The following KIF26B variants were observed in gnomAD, a reference collection of about 807,000 sequenced individuals.
KIF26B encodes the protein kinesin family member 26B, also known as kinesin-like protein KIF26B.
Under a neutral mutation model 151.2 loss-of-function variants are expected in KIF26B, and 63 were observed. That is an observed-to-expected ratio of 0.42 (90% CI 0.34 to 0.51). The LOEUF is 0.51. Ranked by LOEUF, KIF26B falls within the 20% of genes least tolerant of loss-of-function variation. The pLI is 0.07. For synonymous variants in KIF26B, 1,357 were observed against 1,262.1 expected (o/e 1.08, Z -1.59); for missense variants, 2,813 against 2,913.6 (o/e 0.97, Z 0.79).
At chr1:245,345,706 G>T (rs1442313606) in intron 2 of KIF26B, among the ~76,000 whole-genome samples, 1 of 152,006 alleles carries the variant, frequency 6.6e-6, no homozygotes, top group East Asian at 1.9e-4. Flanking sequence ...GTGAGATCTG[G>T]TTGTTTACAA....
At chr1:245,489,933 A>G (rs1660366856) in intron 4 of KIF26B, among the ~76,000 whole-genome samples, 1 of 152,228 alleles carries the variant, frequency 6.6e-6, no homozygotes, top group African/African-American at 2.4e-5. Context: ...CCAATTTGAC[A>G]GAAGGAAGAA....
At chr1:245,697,341 G>A (rs927243790) in intron 12 of KIF26B, among the ~76,000 whole-genome samples, 1 of 152,212 alleles carries the variant, frequency 6.6e-6, no homozygotes, top group African/African-American at 2.4e-5. Context: ...GTGAAAGAAA[G>A]AGGATAGATA....
chr1:245,699,167 G>C (rs1311782776), intron 14 of KIF26B, 130 bp downstream of exon 14: 1 of 992,046 alleles, frequency 1.0e-6, no homozygotes, highest in African/African-American at 1.6e-5. Flanking sequence ...CCATCAAATG[G>C]AGGAAGTTGC....
At chr1:245,622,652 C>T (rs184430531) in intron 9 of KIF26B, among the ~76,000 whole-genome samples, 1 of 152,176 alleles carries the variant, frequency 6.6e-6, no homozygotes, top group Admixed American at 6.5e-5. Flanking sequence ...TCCATCTCTG[C>T]CTTTGCCATT....
intron 5 of KIF26B, among the ~76,000 whole-genome samples, chr1:245,585,920 T>TA (rs573271831): frequency 2.0e-5 from 3 of 152,096 alleles, no homozygotes; most frequent in Non-Finnish European, 4.4e-5. Flanking sequence ...TCGACACATT[T>TA]AAAAATGCTG....
chr1:245,368,449 G>A (rs893537670), intron 3 of KIF26B, among the ~76,000 whole-genome samples: 4 of 152,180 alleles, frequency 2.6e-5, no homozygotes, highest in Non-Finnish European at 4.4e-5. Context: ...ACGGTCAAGG[G>A]TGTATTACTC....
At chr1:245,596,709 G>A (rs765052754) in intron 5 of KIF26B, among the ~76,000 whole-genome samples, 18 of 151,956 alleles carry the variant, frequency 1.2e-4, no homozygotes, top group Non-Finnish European at 2.4e-4. Context: ...TTTCTGTCTC[G>A]TTGCTCTAAT....
intron 5 of KIF26B, among the ~76,000 whole-genome samples, chr1:245,542,577 C>A (rs959056377): frequency 9.2e-5 from 14 of 152,210 alleles, no homozygotes; most frequent in Non-Finnish European, 1.5e-5. Context: ...TGGACCAGGA[C>A]TCCTGTCCAG....
chr1:245,366,538 AAAAG>A (rs979578931), intron 2 of KIF26B, among the ~76,000 whole-genome samples: 1 of 146,394 alleles, frequency 6.8e-6, no homozygotes, highest in African/African-American at 2.7e-5. Flanking sequence ...CTCAAAAAAA[AAAAG>A]AAAAAAAAAA....
chr1:245,287,126 T>A (rs961280110), intron 2 of KIF26B, among the ~76,000 whole-genome samples: 4 of 152,144 alleles, frequency 2.6e-5, no homozygotes, highest in Admixed American at 2.0e-4. Context: ...ACAAAATTTT[T>A]TAAAAAATTT....
intron 7 of KIF26B, among the ~76,000 whole-genome samples, chr1:245,608,627 A>T (rs1371932369): frequency 6.6e-6 from 1 of 152,158 alleles, no homozygotes; most frequent in African/African-American, 2.4e-5. Context: ...AAAGAACCAT[A>T]ATGATGATGA....
intron 4 of KIF26B, among the ~76,000 whole-genome samples, chr1:245,447,794 A>T (rs1304438982): frequency 2.6e-5 from 4 of 152,194 alleles, no homozygotes; most frequent in African/African-American, 9.6e-5. Flanking sequence ...ATTTCTGCAT[A>T]AACTACCCCT....
chr1:245,681,296 A>AC (rs1358536820), intron 10 of KIF26B, among the ~76,000 whole-genome samples: 2 of 148,036 alleles, frequency 1.4e-5, no homozygotes, highest in African/African-American at 5.0e-5. Flanking sequence ...TGCAAGCTCC[A>AC]CCCCCCGGGT....
At chr1:245,380,992 C>T (rs562107467) in intron 3 of KIF26B, among the ~76,000 whole-genome samples, 8 of 149,348 alleles carry the variant, frequency 5.4e-5, no homozygotes, top group African/African-American at 1.7e-4. Context: ...GTGGGCAATG[C>T]TGCCATCTAG....
chr1:245,373,789 C>T (rs1673183645), intron 3 of KIF26B, among the ~76,000 whole-genome samples: 2 of 151,716 alleles, frequency 1.3e-5, no homozygotes, highest in African/African-American at 2.4e-5. Context: ...AGTCTGGGCA[C>T]GGTGGCTCAT....
At chr1:245,262,224 C>G (rs1050003691) in intron 2 of KIF26B, among the ~76,000 whole-genome samples, 1 of 152,118 alleles carries the variant, frequency 6.6e-6, no homozygotes, top group Admixed American at 6.5e-5. Context: ...AAGCAACTGT[C>G]CGGCTGATGG....
intron 2 of KIF26B, chr1:245,353,866 A>G (rs1672623931): frequency 6.6e-6 from 1 of 152,638 alleles, no homozygotes; most frequent in Admixed American, 6.5e-5. Flanking sequence ...CAGTCCCCAA[A>G]TAAGCAAACA....
chr1:245,576,705 G>A (rs2043121894), intron 5 of KIF26B, among the ~76,000 whole-genome samples: 1 of 152,108 alleles, frequency 6.6e-6, no homozygotes, highest in South Asian at 2.1e-4. Context: ...CTTTATTGCA[G>A]CTCCTGTAAA....
chr1:245,636,217 C>T (rs143429530), intron 9 of KIF26B, among the ~76,000 whole-genome samples: 93 of 152,182 alleles, frequency 6.1e-4, no homozygotes, highest in African/African-American at 2.2e-3. Context: ...TTTGAAATTG[C>T]CAACTATAAT....
Sources: allele counts gnomAD v4.1 joint callset (sites outside exome capture counted in the v4.1 genomes callset), GRCh38; gene constraint gnomAD v4.1.1; transcripts MANE v1.5; gene names NCBI Gene and HGNC (gene_info 2026-07-23, HGNC 2026-07-21).